The following MID1 variants were observed in gnomAD, a reference collection of about 807,000 sequenced individuals.
MID1 encodes the protein E3 ubiquitin-protein ligase Midline-1.
A neutral mutation model predicts 40.4 loss-of-function variants in MID1; 7 were observed. The observed-to-expected ratio is 0.17, with a 90% CI of 0.10 to 0.33. The LOEUF is 0.33. Among genes scored for constraint, MID1 ranks in the 10% least tolerant of loss-of-function variants. The pLI is 1.00. For missense variants in MID1, 367 were observed against 558.5 expected (o/e 0.66, Z 3.46); for synonymous variants, 229 against 221.2 (o/e 1.04, Z -0.31).
rs980900144 is a variant in MID1 at position 10,451,737 on chromosome X, G to A, written c.1656-2021C>T. 4.5e-5 allele frequency among the ~76,000 whole-genome samples: 5 copies of A among 111,302 alleles called. No individual in the cohort carries two copies. In the Admixed American group the frequency reaches 4.8e-4, roughly 11 times the overall value. On this transcript the variant is annotated intron_variant, in intron 9 of 9. Coordinates refer to ENST00000317552, the MANE Select transcript of MID1 (RefSeq NM_000381.4). Reference sequence around the variant, plus strand: ...AAAACGGGGGAGTTTCCCTGCACAAGCTCTCTTTTTGCCTGCTGCCATCCA... The same window carrying A: ...AAAACGGGGGAGTTTCCCTGCACAAACTCTCTTTTTGCCTGCTGCCATCCA...
In MID1 at chrX:10,742,009, G is replaced by C. The variant is rs912784451; in HGVS notation, c.-187+91545C>G. ...TGAAATAAGAGTAATTTGATATGGA[G>C]ACCTCAATTTTCCAACTCAGGTCCT... On this transcript the variant is annotated intron_variant, in intron 1 of 10. Coordinates refer to the MID1 transcript ENST00000380785. 2.7e-5 allele frequency among the ~76,000 whole-genome samples: 3 copies of C among 111,015 alleles called. 1 individual carries two copies. The highest frequency in any genetic ancestry group is 5.7e-5 in the Non-Finnish European group (3 of 53,040).
At chrX:10,608,170 T>A (rs1294460613) in intron 1 of MID1, among the ~76,000 whole-genome samples, 1 of 112,225 alleles carries the variant, frequency 8.9e-6, no homozygotes, top group Non-Finnish European at 1.9e-5. Context: ...GTAAAATGAT[T>A]CAGCCACTCT....
chrX:10,783,458 TA>T (rs1304955039), intron 1 of MID1, among the ~76,000 whole-genome samples: 2 of 111,838 alleles, frequency 1.8e-5, no homozygotes, highest in African/African-American at 6.5e-5. Flanking sequence ...TCTTTGTACC[TA>T]AGTTACTTGG....
rs549850334 is a variant in MID1 at position 10,821,779 on chromosome X, A to G, written c.-187+11775T>C. ...CTTGCAAGCATTTCCCCATAAACATATTTCTCACCCTTTCTTTTGTTTTCT... is the reference window on the plus strand; with the variant it reads ...CTTGCAAGCATTTCCCCATAAACATGTTTCTCACCCTTTCTTTTGTTTTCT... On this transcript the variant is annotated intron_variant, in intron 1 of 10. Transcript: ENST00000380785. Among the ~76,000 whole-genome samples, 6 of 111,274 alleles carry G rather than the reference A, an allele frequency of 5.4e-5. No individual in the cohort carries two copies. In the South Asian group the frequency reaches 2.3e-3, roughly 42 times the overall value.
At chrX:10,543,449 T>G (rs1469316607) in intron 2 of MID1, among the ~76,000 whole-genome samples, 1 of 111,896 alleles carries the variant, frequency 8.9e-6, no homozygotes, top group African/African-American at 3.2e-5. Flanking sequence ...TACCATTTAT[T>G]GAACACATAC....
intron 4 of MID1, among the ~76,000 whole-genome samples, chrX:10,482,858 G>A (rs1159436516): frequency 8.9e-6 from 1 of 112,395 alleles, no homozygotes; most frequent in Non-Finnish European, 1.9e-5. Context: ...ACACTGAATT[G>A]TGAATTGCTT....
chrX:10,464,574 A>G (rs1929230739), intron 7 of MID1, among the ~76,000 whole-genome samples: 1 of 111,793 alleles, frequency 8.9e-6, no homozygotes, highest in Non-Finnish European at 1.9e-5. Context: ...CTTAAAAAGA[A>G]TGTGTGTAAT....
chrX:10,556,663 C>T (rs1199285502), intron 2 of MID1, among the ~76,000 whole-genome samples: 1 of 112,251 alleles, frequency 8.9e-6, no homozygotes, highest in Non-Finnish European at 1.9e-5. Flanking sequence ...ATGTGCCAGT[C>T]ACCATGCTCG....
At chrX:10,805,503 C>A (rs1375017680) in intron 1 of MID1, among the ~76,000 whole-genome samples, 1 of 106,480 alleles carries the variant, frequency 9.4e-6, no homozygotes, top group Non-Finnish European at 1.9e-5. Context: ...CAAGTCTTTG[C>A]TATTGGGAAT....
At chrX:10,591,041 TA>T (rs895146781) in intron 1 of MID1, among the ~76,000 whole-genome samples, 89 of 109,603 alleles carry the variant, frequency 8.1e-4, no homozygotes, top group African/African-American at 2.4e-3. Flanking sequence ...TTTTAAACAT[TA>T]AAAAAAAAGG....
intron 1 of MID1, among the ~76,000 whole-genome samples, chrX:10,612,163 T>C (rs1041338721): frequency 1.3e-4 from 14 of 111,967 alleles, no homozygotes; most frequent in South Asian, 7.4e-4. Flanking sequence ...CATCAAGCAA[T>C]AAATATTCAT....
At chrX:10,729,858 G>A (rs2043428701) in intron 1 of MID1, among the ~76,000 whole-genome samples, 2 of 111,307 alleles carry the variant, frequency 1.8e-5, no homozygotes, top group South Asian at 7.5e-4. Flanking sequence ...GCTGAGGCGG[G>A]CGGATCACAA....
chrX:10,827,705 G>T (rs1290792403), intron 1 of MID1, among the ~76,000 whole-genome samples: 2 of 111,413 alleles, frequency 1.8e-5, no homozygotes, highest in South Asian at 3.8e-4. Flanking sequence ...GCATTCTCTT[G>T]TAGGCCCATT....
intron 1 of MID1, among the ~76,000 whole-genome samples, chrX:10,732,527 A>G (rs2043457043): frequency 8.9e-6 from 1 of 112,474 alleles, no homozygotes; most frequent in Admixed American, 9.4e-5. Context: ...TAGGGATTAT[A>G]AAATTCAACA....
intron 1 of MID1, among the ~76,000 whole-genome samples, chrX:10,653,184 A>T (rs142995744): frequency 2.3e-4 from 26 of 111,858 alleles, no homozygotes; most frequent in Non-Finnish European, 1.3e-4. Context: ...AGCTTCATAC[A>T]CTTCCCCGTA....
chrX:10,765,226 C>G (rs1458368415), intron 1 of MID1, among the ~76,000 whole-genome samples: 1 of 112,076 alleles, frequency 8.9e-6, no homozygotes, highest in East Asian at 2.8e-4. Context: ...TAGCATTAAG[C>G]CTTCTGCAGA....
chrX:10,555,289 A>G (rs1182999331), intron 2 of MID1, among the ~76,000 whole-genome samples: 5 of 112,341 alleles, frequency 4.5e-5, no homozygotes, highest in Admixed American at 9.4e-5. Flanking sequence ...GGAATTTGCA[A>G]TTCCAAATGA....
intron 1 of MID1, among the ~76,000 whole-genome samples, chrX:10,737,232 A>G (rs1244687726): frequency 1.8e-5 from 2 of 112,644 alleles, no homozygotes; most frequent in African/African-American, 6.4e-5. Context: ...CAAGGATGAG[A>G]GTGATTTGAC....
intron 1 of MID1, among the ~76,000 whole-genome samples, chrX:10,604,684 T>A (rs1019184853): frequency 2.6e-4 from 29 of 112,379 alleles, no homozygotes; most frequent in African/African-American, 9.4e-4. Context: ...TCTGATGAGA[T>A]TTAGTGCCAG....
Sources: gnomAD v4.1 joint callset for allele counts (sites outside exome capture counted in the v4.1 genomes callset) on GRCh38, gnomAD v4.1.1 for gene constraint, MANE v1.5 for transcripts, NCBI Gene and HGNC (gene_info 2026-07-23, HGNC 2026-07-21) for gene names.